The following MRS2 variants were observed in gnomAD, a reference collection of about 807,000 sequenced individuals.
MRS2 encodes magnesium transporter MRS2 homolog, mitochondrial.
A neutral mutation model predicts 52.6 loss-of-function variants in MRS2; 40 were observed. The observed-to-expected ratio is 0.76, with a 90% CI of 0.59 to 0.99. The LOEUF (loss-of-function observed/expected upper bound fraction) is 0.99. Ranked by LOEUF, MRS2 falls within the 50% of genes least tolerant of loss-of-function variation. The pLI, the probability that MRS2 is intolerant of heterozygous loss-of-function variation, is 0.00. For missense variants in MRS2, 472 were observed against 532.7 expected (o/e 0.89, Z 1.12); for synonymous variants, 193 against 195.9 (o/e 0.98, Z 0.13).
intron 4 of MRS2, 37 bp downstream of exon 4, chr6:24,409,610 C>T (rs374031667): frequency 7.6e-6 from 10 of 1,311,472 alleles, no homozygotes; most frequent in Non-Finnish European, 1.1e-5. Context: ...TTCTCCAATA[C>T]AATCTTATAA....
chr6:24,423,898 G>A lies in MRS2; in HGVS notation c.*204G>A. On this transcript the variant is annotated 3_prime_UTR_variant, in exon 11 of 11. Coordinates refer to ENST00000378386, the MANE Select transcript of MRS2 (RefSeq NM_020662.4). ...GAAACAAAGTATTTGCTTTGTAAAAGGCCAAAATTCTATTTCCTACAAACT... is the reference window on the plus strand; with the variant it reads ...GAAACAAAGTATTTGCTTTGTAAAAAGCCAAAATTCTATTTCCTACAAACT... 1 of 312,272 alleles carries A rather than the reference G, an allele frequency of 3.2e-6. No individual in the cohort carries two copies. Among genetic ancestry groups the A allele is most frequent in the East Asian group, 5.2e-5 (1 of 19,148 alleles). The allele number at this position is 312,272 out of a possible 1,614,324, so 19.3% of individuals were successfully genotyped here.
intron 2 of MRS2, 148 bp downstream of exon 2, chr6:24,405,389 C>G: frequency 1.6e-6 from 1 of 606,448 alleles, no homozygotes; most frequent in Non-Finnish European, 2.9e-6. Flanking sequence ...GGCCAGTGAC[C>G]TAAGTGCCTG....
At position 24,405,187 on chromosome 6, in the gene MRS2, A is replaced by C. The variant is rs771914738; in HGVS notation, c.210A>C (p.Arg70Ser). The change falls in exon 2 of 11, where the codon AGA becomes AGC. Residue 70 changes from arginine (R) to serine (S), a missense_variant. Transcript: ENST00000378386. ...LRVAGEVHRF[R>S]TSDVSQATLA... ...CTTCAGGTGAAGTGCACCGGTTTAG[A>C]ACCTCTGACGTCTCTCAAGCCACTT... 2.5e-6 allele frequency: 4 copies of C among 1,613,876 alleles called. No homozygotes were observed. The highest frequency in any genetic ancestry group is 2.5e-6 in the Non-Finnish European group (3 of 1,179,746).
chr6:24,415,155 T>G lies in MRS2; in HGVS notation c.711T>G (p.Asn237Lys), dbSNP rs2127292715. Residue 237 changes from asparagine (N) to lysine (K), a missense_variant, in exon 6 of 11, where the codon AAT (asparagine) becomes AAG (lysine). Asn to Lys is a moderately conservative substitution (Grantham distance 94, BLOSUM62 0). Coordinates refer to ENST00000378386, the MANE Select transcript of MRS2 (RefSeq NM_020662.4). ...GCAAACTGCACATTTTACTACAGAA[T>G]GGCAAAAGGTAAATATGGATGATGT... The part of the protein sequence containing the change: ...DRSKLHILLQ[N>K]GKSLSELETD... The G allele has an allele frequency of 3.8e-6, 6 of 1,589,244 alleles. No individual in the cohort carries two copies. The highest frequency in any genetic ancestry group is 5.2e-6 in the Non-Finnish European group (6 of 1,161,282).
chr6:24,413,543 C>T (rs1022639817), intron 5 of MRS2, among the ~76,000 whole-genome samples: 6 of 152,128 alleles, frequency 3.9e-5, no homozygotes, highest in African/African-American at 1.4e-4. Context: ...CAGCAGCCTC[C>T]CCAACCACTA....
At chr6:24,414,791 C>G (rs901816184) in intron 5 of MRS2, among the ~76,000 whole-genome samples, 2 of 152,154 alleles carry the variant, frequency 1.3e-5, no homozygotes, top group Non-Finnish European at 2.9e-5. Flanking sequence ...AAGACTCTTA[C>G]GAGAGTTAGC....
At chr6:24,403,900 A>G (rs998455021) in intron 1 of MRS2, among the ~76,000 whole-genome samples, 3 of 152,216 alleles carry the variant, frequency 2.0e-5, no homozygotes, top group Admixed American at 1.3e-4. Flanking sequence ...ACTTACTTTC[A>G]ACTACAGTAC....
At chr6:24,410,860 G>T in intron 4 of MRS2, 1 of 860,928 alleles carries the variant, frequency 1.2e-6, no homozygotes, top group Non-Finnish European at 1.8e-6. Context: ...TGGGTATATG[G>T]TGTTCACTGC....
In MRS2 at chr6:24,418,705, C is replaced by T. The variant is rs893427964; in HGVS notation, c.1107+127C>T. 8.2e-5 allele frequency: 57 copies of T among 691,200 alleles called. 1 individual carries two copies. Among genetic ancestry groups the T allele is most frequent in the South Asian group, 2.0e-4 (12 of 58,636 alleles). 42.8% of individuals were successfully genotyped at this position (691,200 alleles called of 1,614,324 possible). ...CCTGAGGTCAGGAGTTTGAGACCAACCTGGCCAACATGGCGAAACCCTGTC... is the reference window on the plus strand; with the variant it reads ...CCTGAGGTCAGGAGTTTGAGACCAATCTGGCCAACATGGCGAAACCCTGTC... On this transcript the variant is annotated intron_variant, in intron 9 of 10. Coordinates refer to ENST00000378386, the MANE Select transcript of MRS2 (RefSeq NM_020662.4).
At chr6:24,422,633 G>T (rs189485065) in intron 9 of MRS2, among the ~76,000 whole-genome samples, 11 of 152,136 alleles carry the variant, frequency 7.2e-5, no homozygotes, top group Non-Finnish European at 1.6e-4. Context: ...CTTAAATTGC[G>T]TGTCCTCTGG....
intron 5 of MRS2, among the ~76,000 whole-genome samples, chr6:24,414,377 A>T (rs946429002): frequency 2.0e-5 from 3 of 152,024 alleles, no homozygotes; most frequent in Admixed American, 1.3e-4. Flanking sequence ...GCCTTCAAGC[A>T]TCTGTTTAAC....
Position 24,418,070 on chromosome 6 carries a change from T to A in MRS2, c.837-14T>A. 1 of 1,598,756 alleles carries A rather than the reference T, an allele frequency of 6.3e-7. No homozygotes were observed. Among genetic ancestry groups the A allele is most frequent in the East Asian group, 2.2e-5 (1 of 44,792 alleles). On this transcript the variant is annotated splice_polypyrimidine_tract_variant and intron_variant, in intron 7 of 10. Coordinates refer to ENST00000378386, the MANE Select transcript of MRS2 (RefSeq NM_020662.4). ...TGTTGGGAGTATGTTAATTATTTTC[T>A]CTTTTAATTGAAGTGAAAAGAGCAG... is the stretch of plus-strand genomic sequence containing the variant.
chr6:24,410,715 G>A lies in MRS2; in HGVS notation c.414+1142G>A, dbSNP rs1250914763. On this transcript the variant is annotated intron_variant, in intron 4 of 10. Coordinates refer to ENST00000378386, the MANE Select transcript of MRS2 (RefSeq NM_020662.4). ...AAAATGAAGCAGTCTTCTCCCATGT[G>A]ATTTTCTTCAGAAATATTCTCTACT... The A allele has an allele frequency of 5.9e-6, 9 of 1,519,608 alleles. No homozygotes were observed. In the Admixed American group the frequency reaches 1.2e-4, roughly 20 times the overall value. 94.1% of individuals were successfully genotyped at this position (1,519,608 alleles called of 1,614,324 possible).
At chr6:24,411,669 G>A (rs2127288149) in intron 4 of MRS2, among the ~76,000 whole-genome samples, 1 of 152,282 alleles carries the variant, frequency 6.6e-6, no homozygotes, top group South Asian at 2.1e-4. Context: ...CTCTGAAGTA[G>A]CTGGGACTAC....
intron 7 of MRS2, 133 bp from the exon 8 acceptor site, chr6:24,417,951 A>AGAC (rs1554126460): frequency 2.4e-5 from 10 of 421,560 alleles, no homozygotes; most frequent in South Asian, 4.2e-5. Context: ...AAAAAAAAAA[A>AGAC]AAGACAAGAC....
intron 9 of MRS2, among the ~76,000 whole-genome samples, chr6:24,420,124 T>C (rs1761994461): frequency 6.6e-6 from 1 of 152,248 alleles, no homozygotes; most frequent in African/African-American, 2.4e-5. Flanking sequence ...CCGCACCGAC[T>C]TGTCCATCTT....
intron 4 of MRS2, 103 bp from the exon 5 acceptor site, chr6:24,412,119 C>T (rs1461460612): frequency 5.1e-6 from 3 of 591,636 alleles, no homozygotes; most frequent in African/African-American, 3.9e-5. Flanking sequence ...TACAGCTCTA[C>T]AATTTGCATA....
At chr6:24,423,563 T>G (rs759162559) in intron 10 of MRS2, 21 bp from the exon 11 acceptor site, 3 of 1,389,130 alleles carry the variant, frequency 2.2e-6, no homozygotes, top group African/African-American at 1.5e-5. Flanking sequence ...ATACTAAAAT[T>G]AATACTTCTG....
chr6:24,416,615 A>C lies in MRS2; in HGVS notation c.836+102A>C. 3 of 731,196 alleles carry C rather than the reference A, an allele frequency of 4.1e-6. No homozygotes were observed. The South Asian group carries it at 4.7e-5, about 12-fold the overall frequency. The allele number at this position is 731,196 out of a possible 1,614,324, so 45.3% of individuals were successfully genotyped here. A position where few individuals can be genotyped will look rare whatever the true frequency, so the allele number is the denominator to read the frequency against. ...CATACAGAATGTAACATTTTTCTGG[A>C]CTACAGAATATAGAGATTTTTCATC... is the stretch of plus-strand genomic sequence containing the variant. On this transcript the variant is annotated intron_variant, in intron 7 of 10. Coordinates refer to ENST00000378386, the MANE Select transcript of MRS2 (RefSeq NM_020662.4).
Sources: allele counts gnomAD v4.1 joint callset (sites outside exome capture counted in the v4.1 genomes callset), GRCh38; gene constraint gnomAD v4.1.1; transcripts MANE v1.5; gene names NCBI Gene and HGNC (gene_info 2026-07-23, HGNC 2026-07-21).